Variants in ISM1 observed in about 807,000 individuals in gnomAD.
The protein encoded by ISM1 is isthmin 1, also known as isthmin-1.
A neutral mutation model predicts 46.3 loss-of-function variants in ISM1; 25 were observed. That is an observed-to-expected ratio of 0.54 (90% CI 0.39 to 0.75). The LOEUF (loss-of-function observed/expected upper bound fraction) is 0.75, where lower values mean the gene tolerates loss of function less well. Ranked by LOEUF, ISM1 falls within the 30% of genes least tolerant of loss-of-function variation. The pLI is 0.00. For missense variants in ISM1, 536 were observed against 625.4 expected (o/e 0.86, Z 1.52); for synonymous variants, 255 against 256.7 (o/e 0.99, Z 0.06).
chr20:13,283,703 G>A (rs1029489306), intron 3 of ISM1, among the ~76,000 whole-genome samples: 1 of 152,154 alleles, frequency 6.6e-6, no homozygotes, highest in Non-Finnish European at 1.5e-5. Context: ...AAATAAATAT[G>A]TTTTGGTCTA....
At chr20:13,234,701 A>T (rs1383876275) in intron 1 of ISM1, among the ~76,000 whole-genome samples, 3 of 152,176 alleles carry the variant, frequency 2.0e-5, no homozygotes, top group Non-Finnish European at 1.5e-5. Flanking sequence ...TTCTCTGATA[A>T]TTAGTTATGT....
the ISM1 span, among the ~76,000 whole-genome samples, chr20:13,311,337 G>T: frequency 6.6e-6 from 1 of 152,132 alleles, no homozygotes; most frequent in Non-Finnish European, 1.5e-5. Flanking sequence ...CTGCTGGTGG[G>T]AATGTAAATT....
downstream of ISM1, among the ~76,000 whole-genome samples, chr20:13,300,832 C>G (rs1292692734): frequency 6.6e-6 from 1 of 152,202 alleles, no homozygotes; most frequent in Non-Finnish European, 1.5e-5. Context: ...ACCCAACCCC[C>G]AGGAGGCTGA....
At chr20:13,275,151 T>G (rs2040163223) in intron 2 of ISM1, among the ~76,000 whole-genome samples, 1 of 152,202 alleles carries the variant, frequency 6.6e-6, no homozygotes, top group Non-Finnish European at 1.5e-5. Context: ...CAAGTTGAGA[T>G]TAGTATTCAT....
downstream of ISM1, among the ~76,000 whole-genome samples, chr20:13,304,352 C>T (rs188712301): frequency 7.9e-5 from 12 of 152,190 alleles, no homozygotes; most frequent in East Asian, 2.3e-3. Context: ...TCAAAGTGGG[C>T]GGTCATGGGG....
chr20:13,226,026 G>T (rs2039520947), intron 1 of ISM1, among the ~76,000 whole-genome samples: 1 of 152,278 alleles, frequency 6.6e-6, no homozygotes, highest in East Asian at 1.9e-4. Context: ...TTAGAATCAT[G>T]AATTTCTATA....
chr20:13,288,523 C>G lies in ISM1; in HGVS notation c.644-17C>G. 1 of 1,612,386 alleles carries G rather than the reference C, an allele frequency of 6.2e-7. No individual in the cohort carries two copies. Among genetic ancestry groups the G allele is most frequent in the Non-Finnish European group, 8.5e-7 (1 of 1,178,744 alleles). Reference sequence around the variant, plus strand: ...CTTTGGCCAAAGTTGATGACCATCTCCCTGGCTGTCTTCCAGATTCCACAG... The same window carrying G: ...CTTTGGCCAAAGTTGATGACCATCTGCCTGGCTGTCTTCCAGATTCCACAG... On this transcript the variant is annotated splice_polypyrimidine_tract_variant and intron_variant, in intron 3 of 5. Transcript: ENST00000262487.
At chr20:13,309,149 C>T in the ISM1 span, among the ~76,000 whole-genome samples, 1 of 152,064 alleles carries the variant, frequency 6.6e-6, no homozygotes, top group African/African-American at 2.4e-5. Flanking sequence ...TATATCTGGA[C>T]ACCAACATAC....
chr20:13,291,996 G>A (rs930177584), intron 4 of ISM1, among the ~76,000 whole-genome samples: 22 of 152,118 alleles, frequency 1.4e-4, no homozygotes, highest in African/African-American at 5.3e-4. Context: ...TGATTTCAAC[G>A]CACACAGTCA....
At chr20:13,324,979 C>A in the ISM1 span, among the ~76,000 whole-genome samples, 1 of 152,178 alleles carries the variant, frequency 6.6e-6, no homozygotes, top group Admixed American at 6.5e-5. Context: ...ATATTTGTTT[C>A]TTTTCGGCTT....
chr20:13,236,872 C>T (rs1364824093), intron 1 of ISM1, among the ~76,000 whole-genome samples: 3 of 152,178 alleles, frequency 2.0e-5, no homozygotes, highest in African/African-American at 2.4e-5. Flanking sequence ...GCTCTGCCCC[C>T]GGGGCTTTGC....
chr20:13,247,281 G>T (rs934316839), intron 1 of ISM1, among the ~76,000 whole-genome samples: 1 of 152,138 alleles, frequency 6.6e-6, no homozygotes, highest in Non-Finnish European at 1.5e-5. Flanking sequence ...GCCTGGGTCT[G>T]CAATTTCTTG....
At chr20:13,297,990 G>A (rs2040423001) in intron 5 of ISM1, among the ~76,000 whole-genome samples, 1 of 152,106 alleles carries the variant, frequency 6.6e-6, no homozygotes, top group Non-Finnish European at 1.5e-5. Context: ...GAGGCTGGGG[G>A]AACCAGTCCA....
At chr20:13,260,186 T>C (rs6109785) in intron 1 of ISM1, among the ~76,000 whole-genome samples, 63 of 152,292 alleles carry the variant, frequency 4.1e-4, no homozygotes, top group African/African-American at 1.3e-3. Context: ...GCAGGAGCTT[T>C]CTCTTCACCT....
Position 13,292,382 on chromosome 20 carries a change from G to A in ISM1, c.796G>A (p.Asp266Asn), listed in dbSNP as rs1246968174. ...CTCTTGTCTGTGTTTAGGAATTGAA[G>A]ACACTTTTAGGACAGCTGCCACCGA... ...CDRPNCPGIE[D>N]TFRTAATEVS... is the part of the protein sequence containing the mutation. The change falls in exon 5 of 6, where the codon GAC becomes AAC. Residue 266 changes from aspartate to asparagine, a missense_variant. By Grantham distance (23) the Asp-to-Asn change is conservative. Around this residue, in one of 2 missense-constraint regions of ISM1, gnomAD observed 367 missense variants for 376.1 expected, o/e 0.98. Transcript: ENST00000262487. 3 of 1,598,576 alleles carry A rather than the reference G, an allele frequency of 1.9e-6. No individual in the cohort carries two copies. In the Admixed American group the frequency reaches 5.2e-5, roughly 27 times the overall value.
At chr20:13,305,024 T>A (rs1239310671), downstream of ISM1, among the ~76,000 whole-genome samples, 1 of 152,110 alleles carries the variant, frequency 6.6e-6, no homozygotes, top group Admixed American at 6.5e-5. Flanking sequence ...CAAATATTAT[T>A]GTTAATATTT....
chr20:13,263,239 G>T (rs938049574), intron 1 of ISM1, among the ~76,000 whole-genome samples: 2 of 152,158 alleles, frequency 1.3e-5, no homozygotes, highest in Non-Finnish European at 2.9e-5. Flanking sequence ...GCAGCAGCTG[G>T]TCAGCCTTGT....
chr20:13,253,608 T>A (rs1456070106), intron 1 of ISM1, among the ~76,000 whole-genome samples: 1 of 152,142 alleles, frequency 6.6e-6, no homozygotes, highest in Non-Finnish European at 1.5e-5. Flanking sequence ...CTCAAACACC[T>A]GCTGCTGGGC....
At chr20:13,318,964 C>A in the ISM1 span, among the ~76,000 whole-genome samples, 1 of 152,158 alleles carries the variant, frequency 6.6e-6, no homozygotes, top group African/African-American at 2.4e-5. Context: ...GGTCATTATA[C>A]ATTTGTCCAA....
Sources: allele counts gnomAD v4.1 joint callset (sites outside exome capture counted in the v4.1 genomes callset), GRCh38; gene constraint gnomAD v4.1.1; regional missense constraint gnomAD v4.1.1; transcripts MANE v1.5; gene names NCBI Gene and HGNC (gene_info 2026-07-23, HGNC 2026-07-21).